STON2: variants seen among roughly 807,000 people sequenced by gnomAD.
STON2 encodes the protein stonin-2.
A neutral mutation model predicts 65.7 loss-of-function variants in STON2; 29 were observed. That is an observed-to-expected ratio of 0.44 (90% CI 0.33 to 0.60). STON2 has a LOEUF of 0.60. STON2 is among the 20% of genes least tolerant of loss of function. The probability of loss-of-function intolerance (pLI) is 0.03; values close to 1 mark genes in which losing one functional copy is unlikely to be tolerated. For missense variants in STON2, 1,054 were observed against 1,118.1 expected (o/e 0.94, Z 0.82); for synonymous variants, 404 against 414.2 (o/e 0.98, Z 0.30).
chr14:81,419,134 G>C (rs550518335), intron 2 of STON2, among the ~76,000 whole-genome samples: 19 of 152,066 alleles, frequency 1.2e-4, no homozygotes, highest in African/African-American at 4.6e-4. Context: ...TTTAAAGAGG[G>C]AATATTAATA....
At chr14:81,408,174 CATTA>C (rs959642418) in intron 2 of STON2, among the ~76,000 whole-genome samples, 37 of 152,000 alleles carry the variant, frequency 2.4e-4, no homozygotes, top group Admixed American at 4.6e-4. Context: ...CACACACACA[CATTA>C]ATTAATAGGT....
intron 5 of STON2, among the ~76,000 whole-genome samples, chr14:81,286,654 C>T (rs559222906): frequency 6.6e-6 from 1 of 152,300 alleles, no homozygotes; most frequent in East Asian, 1.9e-4. Context: ...GGTCTGAAAC[C>T]AAACCTACAG....
At chr14:81,270,379 C>T (rs1894524282) in intron 7 of STON2, 1 of 1,372,958 alleles carries the variant, frequency 7.3e-7, no homozygotes, top group East Asian at 2.7e-5. Context: ...GCCACTGTGC[C>T]TGGCCCCCAT....
chr14:81,413,011 G>A lies in STON2; in HGVS notation c.-199+14091C>T, dbSNP rs139303239. The A allele has an allele frequency of 1.7e-3, 1,869 of 1,100,698 alleles. 150 individuals are homozygous for A. Among genetic ancestry groups the A allele is most frequent in the Admixed American group, 2.4e-3 (137 of 55,992 alleles). The allele number at this position is 1,100,698 out of a possible 1,614,324, so 68.2% of individuals were successfully genotyped here. On this transcript the variant is annotated intron_variant, in intron 2 of 8. Coordinates refer to the STON2 transcript ENST00000553821. ...CCGTGATCAAAAATGCGGACATGTC[G>A]GAAGAGACGCAGCAGAACTCGGTGG...
chr14:81,324,323 C>T (rs1022606881), intron 4 of STON2, among the ~76,000 whole-genome samples, 136 bp from the exon 5 acceptor site: 2 of 152,238 alleles, frequency 1.3e-5, no homozygotes, highest in Admixed American at 6.5e-5. Flanking sequence ...CTGAGATCTC[C>T]CTTCTGATTT....
chr14:81,302,257 T>G (rs750343390), intron 5 of STON2, among the ~76,000 whole-genome samples: 10 of 152,188 alleles, frequency 6.6e-5, no homozygotes, highest in Non-Finnish European at 1.3e-4. Flanking sequence ...GTCTACAAAT[T>G]TCTGGAACAG....
At chr14:81,421,299 G>A (rs1901693062) in intron 2 of STON2, among the ~76,000 whole-genome samples, 2 of 152,234 alleles carry the variant, frequency 1.3e-5, no homozygotes, top group South Asian at 4.1e-4. Context: ...GAGCCAGAAG[G>A]AGAAAAGTAA....
intron 4 of STON2, among the ~76,000 whole-genome samples, chr14:81,334,842 T>G (rs996142716): frequency 3.3e-5 from 5 of 152,080 alleles, no homozygotes; most frequent in African/African-American, 1.2e-4. Flanking sequence ...CAATTTTATT[T>G]ATTTATTTAT....
chr14:81,325,446 C>CTT (rs35371008), intron 4 of STON2, among the ~76,000 whole-genome samples: 58 of 151,450 alleles, frequency 3.8e-4, no homozygotes, highest in East Asian at 2.7e-3. Flanking sequence ...TTCTCCTCCT[C>CTT]TTTTTTTTGA....
At chr14:81,307,920 G>A (rs1385277152) in intron 5 of STON2, among the ~76,000 whole-genome samples, 4 of 152,166 alleles carry the variant, frequency 2.6e-5, no homozygotes, top group South Asian at 2.1e-4. Context: ...TTTTTGGGGA[G>A]TCAAGTTATA....
chr14:81,264,730 G>T lies in STON2; in HGVS notation c.*3684C>A. ...CAATAATGCAGGAAGGCACAGTAAG[G>T]GAAGAGCCAAATAGAAAAAATGAAA... On this transcript the variant is annotated 3_prime_UTR_variant, in exon 8 of 8. Transcript: ENST00000614646. The T allele has an allele frequency of 1.0e-6, 1 of 985,354 alleles. No individual in the cohort carries two copies. The highest frequency in any genetic ancestry group is 1.2e-6 in the Non-Finnish European group (1 of 829,904). 61.0% of individuals were successfully genotyped at this position (985,354 alleles called of 1,614,324 possible).
At chr14:81,419,469 A>G (rs1901598302) in intron 2 of STON2, among the ~76,000 whole-genome samples, 1 of 152,246 alleles carries the variant, frequency 6.6e-6, no homozygotes, top group African/African-American at 2.4e-5. Flanking sequence ...AAATTATGGA[A>G]CAGATGGTCA....
chr14:81,417,621 C>T lies in STON2; in HGVS notation c.-199+9481G>A, dbSNP rs191600478. Among the ~76,000 whole-genome samples the T allele has an allele frequency of 3.3e-5, 5 of 152,242 alleles. No individual in the cohort carries two copies. In the South Asian group the frequency reaches 6.2e-4, roughly 19 times the overall value. On this transcript the variant is annotated intron_variant, in intron 2 of 8. Transcript: ENST00000553821. ...TTAATTGGAGACAGGATAGGAAATA[C>T]GTTTTTGGGATATGTTGAGATGCAA...
At position 81,262,312 on chromosome 14, in the gene STON2, A is replaced by G. The variant is rs1304554759; in HGVS notation, c.*6102T>C. 3 of 985,346 alleles carry G rather than the reference A, an allele frequency of 3.0e-6. No homozygotes were observed. Among genetic ancestry groups the G allele is most frequent in the Middle Eastern group, 5.2e-4 (1 of 1,936 alleles). The allele number at this position is 985,346 out of a possible 1,614,324, so 61.0% of individuals were successfully genotyped here. A position where few individuals can be genotyped will look rare whatever the true frequency, so the allele number is the denominator to read the frequency against. ...AGTGACTTTAAATAAACAATCCTCA[A>G]TGTCCTCGTGTCTAGCCTTTCCTCC... is the stretch of plus-strand genomic sequence containing the variant. On this transcript the variant is annotated 3_prime_UTR_variant, in exon 8 of 8. Coordinates refer to ENST00000614646, the MANE Select transcript of STON2 (RefSeq NM_001394390.1).
chr14:81,368,618 G>T (rs907543615), intron 4 of STON2, among the ~76,000 whole-genome samples: 1 of 152,140 alleles, frequency 6.6e-6, no homozygotes, highest in African/African-American at 2.4e-5. Context: ...GGAGGCTGAG[G>T]CAGGAAAACT....
At chr14:81,356,528 G>A (rs1427630677) in intron 4 of STON2, among the ~76,000 whole-genome samples, 1 of 152,110 alleles carries the variant, frequency 6.6e-6, no homozygotes, top group Non-Finnish European at 1.5e-5. Context: ...CTCATAAAAT[G>A]AGTTAGGGAG....
chr14:81,346,594 C>T (rs76567857), intron 4 of STON2, among the ~76,000 whole-genome samples: 3,028 of 152,184 alleles, frequency 0.02, 118 homozygotes, highest in East Asian at 0.16. Flanking sequence ...ATATATTTAT[C>T]GAACATTTAT....
intron 3 of STON2, among the ~76,000 whole-genome samples, chr14:81,373,481 TTAAAA>T (rs529784436): frequency 3.3e-4 from 50 of 152,136 alleles, no homozygotes; most frequent in South Asian, 4.1e-4. Flanking sequence ...GGAAATACAA[TTAAAA>T]TATTTGTAAA....
intron 5 of STON2, among the ~76,000 whole-genome samples, chr14:81,311,837 T>C (rs1896438285): frequency 6.6e-6 from 1 of 152,250 alleles, no homozygotes; most frequent in Non-Finnish European, 1.5e-5. Flanking sequence ...AGCACTACAT[T>C]CATACATATT....
Sources: gnomAD v4.1 joint callset for allele counts (sites outside exome capture counted in the v4.1 genomes callset) on GRCh38, gnomAD v4.1.1 for gene constraint, MANE v1.5 for transcripts, NCBI Gene and HGNC (gene_info 2026-07-23, HGNC 2026-07-21) for gene names.